The following PCP4 variants were observed in gnomAD, a reference collection of about 807,000 sequenced individuals.
PCP4 encodes the protein Purkinje cell protein 4.
PCP4 carries 8 observed loss-of-function variants against 10.0 expected under a neutral mutation model. That is an observed-to-expected ratio of 0.80 (90% CI 0.47 to 1.45). The LOEUF is 1.45. Ranked by LOEUF, PCP4 falls within the 40% of genes most tolerant of loss-of-function variation. PCP4 has a pLI of 0.00. For synonymous variants in PCP4, 21 were observed against 23.0 expected, an observed-to-expected ratio of 0.91 and a Z score of 0.24; for missense variants, 54 against 74.4, an observed-to-expected ratio of 0.73 and a Z score of 1.01.
At chr21:39,889,696 G>A (rs1003616390) in intron 1 of PCP4, among the ~76,000 whole-genome samples, 7 of 152,058 alleles carry the variant, frequency 4.6e-5, no homozygotes, top group Non-Finnish European at 7.4e-5. Context: ...GATTACAGGC[G>A]TGAGCCACCG....
intron 2 of PCP4, among the ~76,000 whole-genome samples, chr21:39,923,317 GA>G (rs2087605872): frequency 6.6e-6 from 1 of 152,216 alleles, no homozygotes; most frequent in Admixed American, 6.5e-5. Context: ...GCAGAAAGCA[GA>G]CGTGAGGCAC....
chr21:39,925,366 A>C (rs941524880), intron 2 of PCP4, among the ~76,000 whole-genome samples: 1 of 152,196 alleles, frequency 6.6e-6, no homozygotes, highest in Non-Finnish European at 1.5e-5. Flanking sequence ...AGATAAAGGC[A>C]TGCCTTTGAC....
At chr21:39,919,256 A>T (rs559749772) in intron 2 of PCP4, among the ~76,000 whole-genome samples, 42 of 152,334 alleles carry the variant, frequency 2.8e-4, no homozygotes, top group African/African-American at 9.6e-4. Context: ...AGCAGCACAG[A>T]ACTCCGCATC....
chr21:39,884,667 T>A (rs1338015396), intron 1 of PCP4, among the ~76,000 whole-genome samples: 3 of 151,816 alleles, frequency 2.0e-5, no homozygotes, highest in Non-Finnish European at 4.4e-5. Flanking sequence ...CGTGGTGGCA[T>A]GTGCCTGTAA....
rs759989792 is a variant in PCP4 at position 39,898,544 on chromosome 21, A to G, written c.61+17A>G. Reference sequence around the variant, plus strand: ...GTGAAAATGGTAAGAGGACATGAATAGTCCAAGTTCTTTCTCTTTTGCCAT... The same window carrying G: ...GTGAAAATGGTAAGAGGACATGAATGGTCCAAGTTCTTTCTCTTTTGCCAT... On this transcript the variant is annotated intron_variant, in intron 2 of 2. Coordinates refer to ENST00000328619, the MANE Select transcript of PCP4 (RefSeq NM_006198.3). 1.2e-6 allele frequency: 2 copies of G among 1,607,292 alleles called. No homozygotes were observed. Among genetic ancestry groups the G allele is most frequent in the African/African-American group, 1.3e-5 (1 of 74,772 alleles).
At chr21:39,878,721 C>A (rs1244759170) in intron 1 of PCP4, among the ~76,000 whole-genome samples, 1 of 152,158 alleles carries the variant, frequency 6.6e-6, no homozygotes, top group African/African-American at 2.4e-5. Context: ...AGTATCTATC[C>A]GTGCTTGCTC....
intron 2 of PCP4, among the ~76,000 whole-genome samples, chr21:39,921,247 A>G (rs1269372263): frequency 1.3e-5 from 2 of 152,236 alleles, no homozygotes; most frequent in Non-Finnish European, 2.9e-5. Flanking sequence ...TGACTGGTCC[A>G]TAAAGAAGTC....
chr21:39,907,420 G>T (rs1230760192), intron 2 of PCP4, among the ~76,000 whole-genome samples: 3 of 152,344 alleles, frequency 2.0e-5, no homozygotes, highest in African/African-American at 4.8e-5. Context: ...TCCCAGGGAG[G>T]CCTATCTGGA....
intron 2 of PCP4, among the ~76,000 whole-genome samples, chr21:39,928,236 C>T (rs1031746790): frequency 3.3e-5 from 5 of 152,142 alleles, no homozygotes; most frequent in Admixed American, 1.3e-4. Context: ...TTACCTTCCA[C>T]GACTGAAGAA....
chr21:39,920,205 T>C (rs1401856546), intron 2 of PCP4, among the ~76,000 whole-genome samples: 1 of 145,724 alleles, frequency 6.9e-6, no homozygotes, highest in African/African-American at 2.6e-5. Flanking sequence ...TGATACGATA[T>C]GTGTGTTTGG....
intron 1 of PCP4, among the ~76,000 whole-genome samples, chr21:39,877,637 C>T (rs1217600977): frequency 6.6e-6 from 1 of 152,002 alleles, no homozygotes; most frequent in African/African-American, 2.4e-5. Flanking sequence ...GTGGAGGTTG[C>T]AGTGAGCCAT....
At chr21:39,919,959 G>GGTGTGTGTTGGTGT (rs1279332048) in intron 2 of PCP4, among the ~76,000 whole-genome samples, 3 of 149,516 alleles carry the variant, frequency 2.0e-5, no homozygotes, top group Non-Finnish European at 3.0e-5. Context: ...TGGAGTGAGA[G>GGTGTGTGTTGGTGT]GTGTGTGTTG....
In PCP4 at chr21:39,918,753, G is replaced by A. The variant is rs2087580944; in HGVS notation, c.62-10231G>A. Among the ~76,000 whole-genome samples the A allele has an allele frequency of 2.0e-5, 3 of 152,106 alleles. No individual in the cohort carries two copies. In the South Asian group the frequency reaches 6.2e-4, roughly 32 times the overall value. ...CCAGCAGCCCCCATTCGATAAATAT[G>A]CAGCCAGCAGGCAGGAACGAGAAGT... On this transcript the variant is annotated intron_variant, in intron 2 of 2. Transcript: ENST00000328619.
intron 2 of PCP4, chr21:39,916,220 T>G (rs2087567713): frequency 6.6e-6 from 1 of 152,238 alleles, no homozygotes; most frequent in Non-Finnish European, 1.5e-5. Flanking sequence ...GCATTTTCAT[T>G]TACCCACTTT....
chr21:39,875,779 T>G (rs2087342662), intron 1 of PCP4, among the ~76,000 whole-genome samples: 1 of 152,230 alleles, frequency 6.6e-6, no homozygotes, highest in African/African-American at 2.4e-5. Flanking sequence ...AATTTGACCA[T>G]GTATACACAA....
At chr21:39,914,052 C>G (rs1479630204) in intron 2 of PCP4, among the ~76,000 whole-genome samples, 1 of 152,300 alleles carries the variant, frequency 6.6e-6, no homozygotes, top group Non-Finnish European at 1.5e-5. Context: ...TTAAATCAGA[C>G]AGCACCAAAG....
At chr21:39,876,894 T>G (rs1266555327) in intron 1 of PCP4, among the ~76,000 whole-genome samples, 1 of 152,196 alleles carries the variant, frequency 6.6e-6, no homozygotes, top group Non-Finnish European at 1.5e-5. Flanking sequence ...TGAGTTGATG[T>G]CAGCCTGCTT....
At chr21:39,894,606 A>G (rs1325020550) in intron 1 of PCP4, among the ~76,000 whole-genome samples, 1 of 152,236 alleles carries the variant, frequency 6.6e-6, no homozygotes, top group Non-Finnish European at 1.5e-5. Context: ...TCATGATACC[A>G]TTGAATCATT....
intron 2 of PCP4, among the ~76,000 whole-genome samples, chr21:39,905,223 C>G (rs1244174608): frequency 6.6e-6 from 1 of 151,478 alleles, no homozygotes; most frequent in Admixed American, 6.6e-5. Context: ...GGCCCTTTAT[C>G]TCCTTCCTTT....
Sources: gnomAD v4.1 joint callset for allele counts (sites outside exome capture counted in the v4.1 genomes callset) on GRCh38, gnomAD v4.1.1 for gene constraint, MANE v1.5 for transcripts, NCBI Gene and HGNC (gene_info 2026-07-23, HGNC 2026-07-21) for gene names.